Variants in NWD1 observed in about 807,000 individuals in gnomAD.
NWD1 encodes the protein NACHT and WD repeat domain containing 1.
Under a neutral mutation model 135.1 loss-of-function variants are expected in NWD1, and 129 were observed. The observed-to-expected ratio is 0.96, with a 90% CI of 0.83 to 1.11. The LOEUF (loss-of-function observed/expected upper bound fraction) is 1.11, where lower values mean the gene tolerates loss of function less well. Among genes scored for constraint, NWD1 ranks in the 50% least tolerant of loss-of-function variants. NWD1 has a pLI of 0.00. For synonymous variants in NWD1, 773 were observed against 786.0 expected, an observed-to-expected ratio of 0.98 and a Z score of 0.28; for missense variants, 1,740 against 1,851.3, an observed-to-expected ratio of 0.94 and a Z score of 1.10.
Position 16,815,280 on chromosome 19 carries a change from G to A in NWD1, c.*241G>A, listed in dbSNP as rs779962217. ...GACTTGGAGTCAGAAAGTGCCCAGG[G>A]AAATGAAACCAAATCAAACAAATGC... On this transcript the variant is annotated 3_prime_UTR_variant, in exon 19 of 19. Coordinates refer to ENST00000524140, the MANE Select transcript of NWD1 (RefSeq NM_001007525.5). 1 of 780,904 alleles carries A rather than the reference G, an allele frequency of 1.3e-6. No individual in the cohort carries two copies. Among genetic ancestry groups the A allele is most frequent in the Non-Finnish European group, 2.4e-6 (1 of 418,198 alleles). The allele number at this position is 780,904 out of a possible 1,614,324, so 48.4% of individuals were successfully genotyped here.
rs1444610697 is a variant in NWD1 at position 16,745,756 on chromosome 19, A to ACAAAAT, written c.496+1043_496+1044insTCAAAA. 4.6e-5 allele frequency among the ~76,000 whole-genome samples: 7 copies of ACAAAAT among 151,096 alleles called. No homozygotes were observed. In the East Asian group the frequency reaches 1.4e-3, roughly 30 times the overall value. On this transcript the variant is annotated intron_variant, in intron 5 of 18. Coordinates refer to ENST00000524140, the MANE Select transcript of NWD1 (RefSeq NM_001007525.5). ...CCTGTCTCAAAAAACAAAAACAAAA[A>ACAAAAT]CAAAAACAAAATTAGCTAGGTATAG...
At chr19:16,782,116 A>G (rs893361545) in intron 12 of NWD1, among the ~76,000 whole-genome samples, 4 of 150,166 alleles carry the variant, frequency 2.7e-5, no homozygotes, top group Non-Finnish European at 5.9e-5. Flanking sequence ...AAGAAAAAAA[A>G]AAAGAATCTA....
chr19:16,737,220 C>G (rs1054969129), intron 4 of NWD1, among the ~76,000 whole-genome samples: 4 of 152,058 alleles, frequency 2.6e-5, no homozygotes, highest in African/African-American at 9.7e-5. Flanking sequence ...CTCCAGTCCA[C>G]AATTAATGGT....
At chr19:16,769,721 A>G (rs1969349849) in intron 10 of NWD1, among the ~76,000 whole-genome samples, 1 of 152,188 alleles carries the variant, frequency 6.6e-6, no homozygotes, top group Non-Finnish European at 1.5e-5. Context: ...GCTAAATGCG[A>G]TTCCTCAGAG....
In NWD1 at chr19:16,719,955, C is replaced by G. The variant is rs1967079625; in HGVS notation, c.-443C>G. ...GGTGGCGCCGAGGCCAGGAAACTGT[C>G]CTCTCTAACCTATTTCCCCAGAGGA... On this transcript the variant is annotated 5_prime_UTR_variant, in exon 1 of 19. Transcript: ENST00000524140. 1 of 152,204 alleles carries G rather than the reference C, an allele frequency of 6.6e-6. No homozygotes were observed. The highest frequency in any genetic ancestry group is 1.5e-5 in the Non-Finnish European group (1 of 68,064). The allele number at this position is 152,204 out of a possible 1,614,324, so 9.4% of individuals were successfully genotyped here. A position where few individuals can be genotyped will look rare whatever the true frequency, so the allele number is the denominator to read the frequency against.
intron 17 of NWD1, among the ~76,000 whole-genome samples, chr19:16,800,495 C>T (rs1599554500): frequency 6.6e-6 from 1 of 152,292 alleles, no homozygotes; most frequent in East Asian, 1.9e-4. Flanking sequence ...CCTGACTCTG[C>T]ACTCCGGCCT....
chr19:16,767,969 C>T (rs1198594486), intron 10 of NWD1, among the ~76,000 whole-genome samples: 2 of 146,162 alleles, frequency 1.4e-5, no homozygotes, highest in African/African-American at 5.0e-5. Flanking sequence ...TAGCATATGT[C>T]AGAATTTCCT....
In NWD1 at chr19:16,773,306, T is replaced by G; in HGVS notation, c.2591T>G (p.Leu864Arg). ...CCGGGAGGACCCCTCCGGGCAACTC[T>G]CAGCGGCTGTCACAAAGGTGAGTCT... is the stretch of plus-strand genomic sequence containing the variant. The part of the protein sequence containing the change: ...QPPGGPLRAT[L>R]SGCHKGITAM... The change falls in exon 11 of 19, where the codon CTC (leucine) becomes CGC (arginine). Residue 864 changes from leucine (L) to arginine (R), a missense_variant. Transcript: ENST00000524140. 1.2e-6 allele frequency: 2 copies of G among 1,612,446 alleles called. No homozygotes were observed. The highest frequency in any genetic ancestry group is 1.7e-6 in the Non-Finnish European group (2 of 1,179,824).
chr19:16,801,701 ACAAGAC>A (rs1394028283), intron 17 of NWD1: 2 of 151,922 alleles, frequency 1.3e-5, no homozygotes, highest in Non-Finnish European at 2.9e-5. Context: ...GGACGACAGA[ACAAGAC>A]CCTGTTTGAA....
chr19:16,726,498 GGT>G (rs1042527823), intron 2 of NWD1, among the ~76,000 whole-genome samples: 5 of 151,640 alleles, frequency 3.3e-5, no homozygotes, highest in African/African-American at 1.2e-4. Context: ...GGAGTGCAGT[GGT>G]GTGATCTTAG....
intron 12 of NWD1, among the ~76,000 whole-genome samples, chr19:16,785,348 C>T (rs1371746651): frequency 6.6e-6 from 1 of 151,830 alleles, no homozygotes. Context: ...CCCATCTCTA[C>T]TAAACATACA....
chr19:16,752,211 T>A (rs368177197), intron 6 of NWD1, among the ~76,000 whole-genome samples: 4 of 149,982 alleles, frequency 2.7e-5, no homozygotes, highest in Middle Eastern at 6.8e-3. Flanking sequence ...TTCTCAGTTT[T>A]AGGGTTGTTT....
intron 11 of NWD1, among the ~76,000 whole-genome samples, chr19:16,778,518 GT>G (rs1969742740): frequency 9.5e-6 from 1 of 105,428 alleles, no homozygotes; most frequent in South Asian, 2.9e-4. Context: ...TGTTGTTGTT[GT>G]TGTTGTTGAG....
intron 17 of NWD1, among the ~76,000 whole-genome samples, chr19:16,807,276 C>T (rs1443634539): frequency 2.0e-5 from 3 of 151,750 alleles, no homozygotes; most frequent in African/African-American, 4.8e-5. Context: ...GGTGGATCAC[C>T]TGAGGTTGGG....
intron 16 of NWD1, among the ~76,000 whole-genome samples, chr19:16,798,975 G>GACCCTCTAAAAAAGGTTTACAGGGC (rs576570685): frequency 1.7e-4 from 25 of 150,724 alleles, no homozygotes; most frequent in African/African-American, 6.1e-4. Flanking sequence ...TGAGCTTCCA[G>GACCCTCTAAAAAAGGTTTACAGGGC]ACCCTCTAAA....
chr19:16,808,287 C>G, intron 18 of NWD1, 151 bp downstream of exon 18: 1 of 696,338 alleles, frequency 1.4e-6, no homozygotes. Flanking sequence ...CAGTGGCTCA[C>G]GCCTGTAATC....
intron 17 of NWD1, among the ~76,000 whole-genome samples, chr19:16,805,103 G>A (rs1970711889): frequency 6.6e-6 from 1 of 151,786 alleles, no homozygotes; most frequent in Non-Finnish European, 1.5e-5. Context: ...CTGTCACCCA[G>A]GCTGGAGTGC....
In NWD1 at chr19:16,789,206, C is replaced by G. The variant is rs773821348; in HGVS notation, c.2940+16C>G. On this transcript the variant is annotated intron_variant, in intron 13 of 18. Transcript: ENST00000524140. ...TGGCTCAAAGGTAACAAACATATGC[C>G]CTGTTTGTAAAGGAAAGCTGAGACC... 6.3e-7 allele frequency: 1 copy of G among 1,590,042 alleles called. No individual in the cohort carries two copies. The highest frequency in any genetic ancestry group is 1.1e-5 in the South Asian group (1 of 90,512).
chr19:16,750,569 C>T lies in NWD1; in HGVS notation c.1769+158C>T, dbSNP rs1437058861. Among the ~76,000 whole-genome samples the T allele has an allele frequency of 2.6e-5, 4 of 152,098 alleles. No homozygotes were observed. In the East Asian group the frequency reaches 7.7e-4, roughly 29 times the overall value. ...TCCCAGGCTCAAGTGATCCTCACGC[C>T]TCACCTGCTGAGTAGCTGGGACTAC... On this transcript the variant is annotated intron_variant, in intron 6 of 18. Coordinates refer to ENST00000524140, the MANE Select transcript of NWD1 (RefSeq NM_001007525.5).
Sources: allele counts gnomAD v4.1 joint callset (sites outside exome capture counted in the v4.1 genomes callset), GRCh38; gene constraint gnomAD v4.1.1; transcripts MANE v1.5; gene names NCBI Gene and HGNC (gene_info 2026-07-23, HGNC 2026-07-21).